The following MMRN1 variants were observed in gnomAD, a reference collection of about 807,000 sequenced individuals.
MMRN1 encodes multimerin 1, also known as multimerin-1.
MMRN1 carries 94 observed loss-of-function variants against 100.7 expected under a neutral mutation model. The ratio of observed to expected loss-of-function variants is 0.93; its 90% confidence interval spans 0.79 to 1.11. The LOEUF (loss-of-function observed/expected upper bound fraction) is 1.11, where lower values mean the gene tolerates loss of function less well. MMRN1 is among the 50% of genes least tolerant of loss of function. The pLI is 0.00. For missense variants in MMRN1, 1,606 were observed against 1,439.1 expected, an observed-to-expected ratio of 1.12 and a Z score of -1.88; for synonymous variants, 575 against 505.0, an observed-to-expected ratio of 1.14 and a Z score of -1.86.
intron 6 of MMRN1, among the ~76,000 whole-genome samples, chr4:89,944,108 T>C (rs962962188): frequency 7.2e-5 from 11 of 152,226 alleles, no homozygotes; most frequent in African/African-American, 2.7e-4. Flanking sequence ...CTATTTTGAA[T>C]GTGAAAGAAA....
At chr4:89,913,791 A>C (rs921508208) in intron 3 of MMRN1, among the ~76,000 whole-genome samples, 1 of 151,346 alleles carries the variant, frequency 6.6e-6, no homozygotes, top group Non-Finnish European at 1.5e-5. Context: ...ATAATAGTGT[A>C]ATTGGAACCA....
chr4:89,886,799 A>G (rs1307434162), intron 1 of MMRN1, among the ~76,000 whole-genome samples: 2 of 152,140 alleles, frequency 1.3e-5, no homozygotes, highest in Admixed American at 1.3e-4. Flanking sequence ...TTTAATTATC[A>G]AATCAAGGTA....
intron 5 of MMRN1, 101 bp downstream of exon 5, chr4:89,928,069 G>A (rs1190837744): frequency 3.1e-6 from 3 of 960,380 alleles, no homozygotes; most frequent in East Asian, 5.8e-5. Flanking sequence ...TTTAGTTTGG[G>A]TGGTATGGAA....
At chr4:89,884,202 A>C (rs1395929432) in intron 1 of MMRN1, among the ~76,000 whole-genome samples, 1 of 152,050 alleles carries the variant, frequency 6.6e-6, no homozygotes, top group Admixed American at 6.6e-5. Context: ...GTGTTTCTTT[A>C]TTAATTTTAG....
intron 6 of MMRN1, among the ~76,000 whole-genome samples, chr4:89,945,282 T>C (rs1722953345): frequency 6.6e-6 from 1 of 152,194 alleles, no homozygotes; most frequent in Non-Finnish European, 1.5e-5. Context: ...AGTCTGGGGT[T>C]ACTGTGGATA....
Position 89,934,915 on chromosome 4 carries a change from CT to C in MMRN1, c.1236del (p.Val413TyrfsTer14), listed in dbSNP as rs1722554826. The C allele has an allele frequency of 3.1e-6, 5 of 1,613,094 alleles. No individual in the cohort carries two copies. Among genetic ancestry groups the C allele is most frequent in the Non-Finnish European group, 4.2e-6 (5 of 1,179,570 alleles). ...MQETVAQLFK[T>X]VSSLSEDLES... ...GAGACTGTAGCACAGCTCTTCAAGA[CT>C]GTATCAAGTCTATCAGAGGACCTCG... On this transcript the variant is annotated frameshift_variant, in exon 6 of 8. Transcript: ENST00000264790. LOFTEE classifies it high-confidence loss of function.
At chr4:89,897,564 T>TA (rs1468935772) in intron 1 of MMRN1, among the ~76,000 whole-genome samples, 1 of 152,160 alleles carries the variant, frequency 6.6e-6, no homozygotes, top group African/African-American at 2.4e-5. Context: ...CAATTCAAGT[T>TA]AAAATAGCAT....
At chr4:89,909,547 C>G in intron 2 of MMRN1, 152 bp downstream of exon 2, 1 of 999,798 alleles carries the variant, frequency 1.0e-6, no homozygotes, top group African/African-American at 1.7e-5. Flanking sequence ...AATGCAGACA[C>G]TAATAATATT....
intron 3 of MMRN1, among the ~76,000 whole-genome samples, chr4:89,912,696 A>G (rs1260768429): frequency 2.6e-5 from 4 of 151,246 alleles, no homozygotes; most frequent in East Asian, 1.9e-4. Context: ...GCATCAGCAT[A>G]CATATTTTAA....
At chr4:89,929,688 A>G (rs997148122) in intron 5 of MMRN1, among the ~76,000 whole-genome samples, 1 of 152,132 alleles carries the variant, frequency 6.6e-6, no homozygotes, top group Non-Finnish European at 1.5e-5. Flanking sequence ...AGCATTAATA[A>G]TGAAACTCCC....
At chr4:89,891,377 C>T (rs1361596090), upstream of MMRN1, among the ~76,000 whole-genome samples, 3 of 152,156 alleles carry the variant, frequency 2.0e-5, no homozygotes, top group East Asian at 5.8e-4. Flanking sequence ...TATTCGTTCA[C>T]TGATTCAACA....
At chr4:89,925,370 A>C (rs1367038107) in intron 4 of MMRN1, among the ~76,000 whole-genome samples, 1 of 135,110 alleles carries the variant, frequency 7.4e-6, no homozygotes, top group Non-Finnish European at 1.5e-5. Flanking sequence ...CTAGTCTTGA[A>C]TCTCTGGGCC....
Position 89,910,086 on chromosome 4 carries a change from A to G in MMRN1, c.743+691A>G, listed in dbSNP as rs970279380. 3.3e-5 allele frequency among the ~76,000 whole-genome samples: 5 copies of G among 151,456 alleles called. No individual in the cohort carries two copies. The Admixed American group carries it at 3.3e-4, about 10-fold the overall frequency. On this transcript the variant is annotated intron_variant, in intron 2 of 7. Transcript: ENST00000264790. ...TGGCTAATGTTATGCAAATAGTCATACAAATAACTCAGGCAATGAATCTGA... is the reference window on the plus strand; with the variant it reads ...TGGCTAATGTTATGCAAATAGTCATGCAAATAACTCAGGCAATGAATCTGA...
chr4:89,917,857 G>T (rs1721971408), intron 3 of MMRN1, among the ~76,000 whole-genome samples: 2 of 151,886 alleles, frequency 1.3e-5, no homozygotes, highest in Admixed American at 6.6e-5. Context: ...AAAAGTGATT[G>T]CATTCAATTT....
At chr4:89,942,430 G>A (rs897597290) in intron 6 of MMRN1, among the ~76,000 whole-genome samples, 1 of 152,078 alleles carries the variant, frequency 6.6e-6, no homozygotes, top group African/African-American at 2.4e-5. Flanking sequence ...TTGTAAATTT[G>A]CTATGGAATG....
chr4:89,936,317 A>T lies in MMRN1; in HGVS notation c.2637A>T (p.Ser879=). The T allele has an allele frequency of 6.2e-7, 1 of 1,612,690 alleles. No homozygotes were observed. Among genetic ancestry groups the T allele is most frequent in the South Asian group, 1.1e-5 (1 of 90,788 alleles). ...AGACGCTCATACCTTATTATATTTC[A>T]GTTAAAAAAGGCAGTGTAGTTACAA... ...VTQTLIPYYI[S]VKKGSVVTNE... is the part of the protein sequence containing the mutation. Residue 879 remains serine, a synonymous_variant, in exon 6 of 8, where the codon TCA becomes TCT. Transcript: ENST00000264790.
chr4:89,887,607 T>C (rs1720966230), intron 1 of MMRN1, among the ~76,000 whole-genome samples: 1 of 152,238 alleles, frequency 6.6e-6, no homozygotes, highest in Admixed American at 6.5e-5. Context: ...GCCCTTTTTA[T>C]ATGAAGTGAG....
intron 4 of MMRN1, among the ~76,000 whole-genome samples, chr4:89,927,126 G>T (rs572664395): frequency 2.0e-4 from 30 of 151,388 alleles, no homozygotes; most frequent in Middle Eastern, 3.4e-3. Context: ...TGGGTCTTTT[G>T]TTGTTCCATA....
chr4:89,912,097 A>T (rs769875265), intron 3 of MMRN1, 47 bp downstream of exon 3: 1 of 1,316,364 alleles, frequency 7.6e-7, no homozygotes, highest in Admixed American at 2.4e-5. Context: ...TAAGAAACTG[A>T]TTCTATTGAA....
Sources: allele counts gnomAD v4.1 joint callset (sites outside exome capture counted in the v4.1 genomes callset), GRCh38; gene constraint gnomAD v4.1.1; transcripts MANE v1.5; gene names NCBI Gene and HGNC (gene_info 2026-07-23, HGNC 2026-07-21).